PDE1A: variants seen among roughly 807,000 people sequenced by gnomAD.
PDE1A encodes dual specificity calcium/calmodulin-dependent 3',5'-cyclic nucleotide phosphodiesterase 1A.
A neutral mutation model predicts 61.7 loss-of-function variants in PDE1A; 35 were observed. That is an observed-to-expected ratio of 0.57 (90% CI 0.43 to 0.75). PDE1A has a LOEUF of 0.75. Among genes scored for constraint, PDE1A ranks in the 30% least tolerant of loss-of-function variants. The pLI is 0.00. For synonymous variants in PDE1A, 232 were observed against 213.2 expected, an observed-to-expected ratio of 1.09 and a Z score of -0.77; for missense variants, 597 against 630.6, an observed-to-expected ratio of 0.95 and a Z score of 0.57.
At chr2:182,637,929 CA>C in the PDE1A span, among the ~76,000 whole-genome samples, 2 of 151,462 alleles carry the variant, frequency 1.3e-5, no homozygotes, top group East Asian at 1.9e-4. Flanking sequence ...CTCAAAAAAA[CA>C]AAAAGTCAAA....
At position 182,275,607 on chromosome 2, in the gene PDE1A, C is replaced by A. The variant is rs1267685480; in HGVS notation, c.54-11193G>T. Among the ~76,000 whole-genome samples, 7 of 152,128 alleles carry A rather than the reference C, an allele frequency of 4.6e-5. No homozygotes were observed. In the East Asian group the frequency reaches 1.4e-3, roughly 30 times the overall value. ...GGTATCTAGAATAAGGTATTTAGTT[C>A]ATCTTACTCTTTGATGTTGATTAAA... On this transcript the variant is annotated intron_variant, in intron 1 of 13. Coordinates refer to ENST00000351439, the Ensembl canonical transcript of PDE1A.
intron 1 of PDE1A, among the ~76,000 whole-genome samples, chr2:182,410,169 T>C (rs534653960): frequency 6.6e-6 from 1 of 152,206 alleles, no homozygotes; most frequent in East Asian, 1.9e-4. Context: ...TTGGGCAACA[T>C]AGTGGGACCC....
chr2:182,593,850 T>C, the PDE1A span, among the ~76,000 whole-genome samples: 2 of 152,190 alleles, frequency 1.3e-5, no homozygotes, highest in Non-Finnish European at 1.5e-5. Context: ...GACAAGTCTT[T>C]ATGCAGAAAA....
the PDE1A span, chr2:182,716,128 A>T: frequency 6.6e-6 from 1 of 152,602 alleles, no homozygotes; most frequent in Non-Finnish European, 1.5e-5. Context: ...TCCCGCGCAC[A>T]CCGCCACGTC....
At chr2:182,497,316 G>A (rs1163124486) in intron 2 of PDE1A, among the ~76,000 whole-genome samples, 4 of 152,216 alleles carry the variant, frequency 2.6e-5, no homozygotes, top group Non-Finnish European at 4.4e-5. Context: ...GATGACAGCA[G>A]AAACAAGGGT....
intron 1 of PDE1A, among the ~76,000 whole-genome samples, chr2:182,276,731 A>G (rs531653462): frequency 2.0e-5 from 3 of 152,186 alleles, no homozygotes; most frequent in Admixed American, 1.3e-4. Flanking sequence ...GAGAGCCTAT[A>G]AACAGAGGTG....
At chr2:182,578,369 A>C in the PDE1A span, among the ~76,000 whole-genome samples, 1 of 152,236 alleles carries the variant, frequency 6.6e-6, no homozygotes, top group Non-Finnish European at 1.5e-5. Context: ...ATTTTATTCC[A>C]AACATAGGAA....
chr2:182,316,205 G>T (rs1696332158), intron 1 of PDE1A, among the ~76,000 whole-genome samples: 1 of 152,140 alleles, frequency 6.6e-6, no homozygotes. Flanking sequence ...TAGGGTAACA[G>T]GGGACTTTAA....
At chr2:182,688,392 C>G in the PDE1A span, among the ~76,000 whole-genome samples, 1 of 152,106 alleles carries the variant, frequency 6.6e-6, no homozygotes, top group African/African-American at 2.4e-5. Flanking sequence ...TTAAAGAAAA[C>G]AATTTTCAAC....
intron 1 of PDE1A, among the ~76,000 whole-genome samples, chr2:182,366,929 C>A (rs1699867930): frequency 1.3e-5 from 2 of 151,982 alleles, no homozygotes; most frequent in Admixed American, 6.6e-5. Context: ...TGTATTAAAT[C>A]ATTGTGGGCT....
chr2:182,414,596 G>GT (rs921696222), intron 1 of PDE1A, among the ~76,000 whole-genome samples: 1 of 152,122 alleles, frequency 6.6e-6, no homozygotes. Context: ...TCTGGTTTCT[G>GT]TCAAGGGAGA....
chr2:182,514,790 A>G (rs1308879528), intron 2 of PDE1A, among the ~76,000 whole-genome samples: 1 of 152,194 alleles, frequency 6.6e-6, no homozygotes, highest in Non-Finnish European at 1.5e-5. Flanking sequence ...TCCAAAAGCA[A>G]TTGCAACAAA....
chr2:182,182,961 T>G (rs1328843144), intron 13 of PDE1A, among the ~76,000 whole-genome samples: 1 of 152,194 alleles, frequency 6.6e-6, no homozygotes, highest in Non-Finnish European at 1.5e-5. Context: ...TGTCTTTATT[T>G]TTCTTTATTT....
At chr2:182,327,845 G>A (rs963880679) in intron 1 of PDE1A, among the ~76,000 whole-genome samples, 1 of 152,202 alleles carries the variant, frequency 6.6e-6, no homozygotes, top group Non-Finnish European at 1.5e-5. Context: ...AAGTAGAAAA[G>A]ATAAAAACAT....
intron 2 of PDE1A, among the ~76,000 whole-genome samples, chr2:182,515,722 G>A (rs1008653698): frequency 1.3e-4 from 20 of 152,104 alleles, no homozygotes; most frequent in Admixed American, 6.5e-4. Flanking sequence ...ACAACATACA[G>A]ACTTATCAAC....
At chr2:182,493,156 T>A (rs940915971) in intron 2 of PDE1A, among the ~76,000 whole-genome samples, 6 of 151,908 alleles carry the variant, frequency 3.9e-5, no homozygotes, top group African/African-American at 7.3e-5. Context: ...AGTCAAAGCA[T>A]GCCTTGCTAT....
intron 7 of PDE1A, among the ~76,000 whole-genome samples, chr2:182,206,913 A>G (rs539059281): frequency 6.6e-6 from 1 of 152,258 alleles, no homozygotes; most frequent in Admixed American, 6.5e-5. Flanking sequence ...CATGATTGTA[A>G]GTTTCCTGAG....
chr2:182,409,952 A>G (rs1702516509), intron 1 of PDE1A, among the ~76,000 whole-genome samples: 1 of 152,228 alleles, frequency 6.6e-6, no homozygotes, highest in South Asian at 2.1e-4. Context: ...AATGTGTTTT[A>G]CTGCTTTTTT....
intron 2 of PDE1A, among the ~76,000 whole-genome samples, chr2:182,437,261 T>C (rs939648402): frequency 6.6e-6 from 1 of 152,020 alleles, no homozygotes; most frequent in Non-Finnish European, 1.5e-5. Flanking sequence ...TTGTGATATA[T>C]ATCCCCAACG....
Sources: gnomAD v4.1 joint callset for allele counts (sites outside exome capture counted in the v4.1 genomes callset) on GRCh38, gnomAD v4.1.1 for gene constraint, MANE v1.5 for transcripts, NCBI Gene and HGNC (gene_info 2026-07-23, HGNC 2026-07-21) for gene names.